Variants in UPF1 observed in about 807,000 individuals in gnomAD.
UPF1 encodes the protein UPF1 RNA helicase and ATPase.
In UPF1, 9 loss-of-function variants were observed where a neutral mutation model predicts 129.2. The ratio of observed to expected loss-of-function variants is 0.07; its 90% CI spans 0.04 to 0.12. The LOEUF is 0.12. Ranked by LOEUF, UPF1 falls within the 10% of genes least tolerant of loss-of-function variation. The pLI, the probability that UPF1 is intolerant of heterozygous loss-of-function variation, is 1.00. For synonymous variants in UPF1, 649 were observed against 644.9 expected (o/e 1.01, Z -0.10); for missense variants, 788 against 1,525.3 (o/e 0.52, Z 8.05).
chr19:18,852,729 G>T lies in UPF1; in HGVS notation c.973-258G>T, dbSNP rs114119437. 9.7e-4 allele frequency among the ~76,000 whole-genome samples: 143 copies of T among 147,570 alleles called. 1 individual carries two copies. Among genetic ancestry groups the T allele is most frequent in the African/African-American group, 3.4e-3 (136 of 40,032 alleles). On this transcript the variant is annotated intron_variant, in intron 6 of 23. Transcript: ENST00000262803. ...TCTCTTCCTCCCTCCCACAGCAGCT[G>T]CTCCCTGGCCACGGAGGCCTCTGGT...
At chr19:18,862,510 G>T (rs2055791437) in intron 18 of UPF1, among the ~76,000 whole-genome samples, 1 of 152,042 alleles carries the variant, frequency 6.6e-6, no homozygotes, top group Non-Finnish European at 1.5e-5. Flanking sequence ...GGGACCCCGA[G>T]AACAAGGTGT....
At chr19:18,837,735 C>T (rs1283755903) in intron 1 of UPF1, among the ~76,000 whole-genome samples, 1 of 152,184 alleles carries the variant, frequency 6.6e-6, no homozygotes, top group African/African-American at 2.4e-5. Flanking sequence ...CACTTTGTTC[C>T]TTCATCCTCA....
intron 19 of UPF1, 101 bp downstream of exon 19, chr19:18,863,713 A>G (rs990346459): frequency 1.0e-6 from 1 of 998,662 alleles, no homozygotes; most frequent in Non-Finnish European, 1.4e-6. Context: ...GAGCTGAGGG[A>G]GGGCTCTCCT....
At chr19:18,837,530 C>G (rs552515144) in intron 1 of UPF1, among the ~76,000 whole-genome samples, 10 of 152,338 alleles carry the variant, frequency 6.6e-5, no homozygotes, top group Admixed American at 6.5e-4. Flanking sequence ...TGGCCATCAG[C>G]AGATGAATGG....
chr19:18,855,560 G>A (rs534807232), intron 11 of UPF1: 18 of 516,702 alleles, frequency 3.5e-5, no homozygotes, highest in Admixed American at 2.1e-4. Context: ...CATTGCTTGC[G>A]GTGGGTAGAG....
intron 1 of UPF1, among the ~76,000 whole-genome samples, chr19:18,838,729 AT>A (rs2055509132): frequency 6.6e-6 from 1 of 151,978 alleles, no homozygotes; most frequent in African/African-American, 2.4e-5. Flanking sequence ...GTGCCAGAAC[AT>A]TGGAGATAAG....
intron 12 of UPF1, 24 bp downstream of exon 12, chr19:18,856,113 C>T (rs2096961370): frequency 6.2e-7 from 1 of 1,609,346 alleles, no homozygotes; most frequent in Non-Finnish European, 8.5e-7. Context: ...CCATCCCTCC[C>T]AGTTGGTCCC....
chr19:18,857,567 C>A, intron 15 of UPF1, 34 bp downstream of exon 15: 1 of 1,552,230 alleles, frequency 6.4e-7, no homozygotes, highest in South Asian at 1.2e-5. Context: ...GGGGCTTCTA[C>A]AGAGAAGCGG....
At chr19:18,852,523 A>C (rs1299959385) in intron 6 of UPF1, among the ~76,000 whole-genome samples, 3 of 152,142 alleles carry the variant, frequency 2.0e-5, no homozygotes, top group Non-Finnish European at 2.9e-5. Context: ...AATCCAACAC[A>C]TCTTTCCCAG....
chr19:18,844,956 C>T (rs754586382), intron 1 of UPF1, among the ~76,000 whole-genome samples: 4 of 152,398 alleles, frequency 2.6e-5, no homozygotes, highest in Middle Eastern at 6.8e-3. Flanking sequence ...GCCCAGTGTG[C>T]ATCTGTGCGT....
At position 18,853,337 on chromosome 19, in the gene UPF1, C is replaced by T. The variant is rs1342999566; in HGVS notation, c.1143C>T (p.Ile381=). The change falls in exon 8 of 24, where the codon ATC becomes ATT. Residue 381 remains isoleucine, a synonymous_variant. Coordinates refer to ENST00000262803, the MANE Select transcript of UPF1 (RefSeq NM_002911.4). The surrounding 1 kb of genome is among the most constrained non-coding windows in gnomAD (Gnocchi z 4.4). The stretch of plus-strand genomic sequence containing the variant: ...TGTGGAAAGGGATCGGCCACGTCAT[C>T]AAGGTCCCTGATAGTATCCTTCATG... The part of the protein sequence containing the change: ...APLWKGIGHV[I]KVPDNYGDEI... The T allele has an allele frequency of 2.5e-6, 4 of 1,611,098 alleles. No homozygotes were observed. Among genetic ancestry groups the T allele is most frequent in the Non-Finnish European group, 3.4e-6 (4 of 1,178,444 alleles).
At chr19:18,855,432 G>A (rs2055706312) in intron 11 of UPF1, 190 bp downstream of exon 11, 1 of 683,450 alleles carries the variant, frequency 1.5e-6, no homozygotes, top group African/African-American at 1.8e-5. Context: ...TTGCATTTTA[G>A]TAACCAGGTC....
At chr19:18,863,672 G>A (rs2055807095) in intron 19 of UPF1, 60 bp downstream of exon 19, 1 of 1,554,738 alleles carries the variant, frequency 6.4e-7, no homozygotes, top group South Asian at 1.2e-5. Flanking sequence ...AAACACTGCT[G>A]GGAACGTGCC....
At chr19:18,840,480 C>A (rs904981899) in intron 1 of UPF1, among the ~76,000 whole-genome samples, 1 of 152,128 alleles carries the variant, frequency 6.6e-6, no homozygotes, top group Non-Finnish European at 1.5e-5. Context: ...CTAAAGGGCA[C>A]ATGCTGGGCA....
intron 2 of UPF1, among the ~76,000 whole-genome samples, chr19:18,847,335 C>A (rs377444502): frequency 6.6e-6 from 1 of 152,182 alleles, no homozygotes; most frequent in Non-Finnish European, 1.5e-5. Flanking sequence ...AGCTTCAGGG[C>A]GCTGCTGCTG....
chr19:18,857,079 G>A (rs759114497), intron 14 of UPF1, 59 bp downstream of exon 14: 146 of 1,573,286 alleles, frequency 9.3e-5, no homozygotes, highest in Non-Finnish European at 1.2e-4. Flanking sequence ...CTTGGTGTTT[G>A]TCTTTTAAAA....
intron 6 of UPF1, 65 bp from the exon 7 acceptor site, chr19:18,852,922 A>G (rs2055676344): frequency 1.0e-5 from 14 of 1,337,998 alleles, no homozygotes; most frequent in Non-Finnish European, 1.5e-5. Context: ...GGCCTCGGGC[A>G]TGTGGAGGCC....
At chr19:18,854,054 G>A (rs956837525) in intron 8 of UPF1, among the ~76,000 whole-genome samples, 4 of 152,210 alleles carry the variant, frequency 2.6e-5, no homozygotes, top group African/African-American at 9.6e-5. Context: ...GGGGCTCGGG[G>A]TCGAGGGAAG....
intron 15 of UPF1, 147 bp from the exon 16 acceptor site, chr19:18,860,174 A>T: frequency 1.3e-6 from 1 of 793,246 alleles, no homozygotes; most frequent in Non-Finnish European, 2.1e-6. Flanking sequence ...GGACCGGCTC[A>T]GGTGACCTCA....
Sources: gnomAD v4.1 joint callset for allele counts (sites outside exome capture counted in the v4.1 genomes callset) on GRCh38, gnomAD v4.1.1 for gene constraint, Gnocchi (gnomAD v3.1) non-coding constraint, MANE v1.5 for transcripts, NCBI Gene and HGNC (gene_info 2026-07-23, HGNC 2026-07-21) for gene names.